Variants in TCF12 observed in about 807,000 individuals in gnomAD.
The protein encoded by TCF12 is DNA-binding protein HTF4.
A neutral mutation model predicts 86.0 loss-of-function variants in TCF12; 45 were observed. That is an observed-to-expected ratio of 0.52 (90% CI 0.41 to 0.67). The LOEUF (loss-of-function observed/expected upper bound fraction) is 0.67, where lower values mean the gene tolerates loss of function less well. Ranked by LOEUF, TCF12 falls within the 30% of genes least tolerant of loss-of-function variation. The probability of loss-of-function intolerance (pLI) is 0.00; values close to 1 mark genes in which losing one functional copy is unlikely to be tolerated. For synonymous variants in TCF12, 330 were observed against 299.6 expected, an observed-to-expected ratio of 1.10 and a Z score of -1.05; for missense variants, 881 against 859.9, an observed-to-expected ratio of 1.02 and a Z score of -0.31.
At position 57,273,084 on chromosome 15, in the gene TCF12, G is replaced by A. The variant is rs751483934; in HGVS notation, c.1800G>A (p.Lys600=). 6.2e-7 allele frequency: 1 copy of A among 1,614,244 alleles called. No individual in the cohort carries two copies. The highest frequency in any genetic ancestry group is 8.5e-7 in the Non-Finnish European group (1 of 1,180,024). ...LNPEQKIERE[K]ERRMANNARE... ...CTGAACAGAAGATAGAAAGGGAGAA[G>A]GAGAGGCGGATGGCTAACAATGCCA... The change falls in exon 19 of 21, where the codon AAG becomes AAA. Residue 600 remains lysine, a synonymous_variant. Transcript: ENST00000333725.
At chr15:57,241,111 TC>T (rs144150882) in intron 12 of TCF12, among the ~76,000 whole-genome samples, 7,352 of 151,920 alleles carry the variant, frequency 0.048, 483 homozygotes, top group African/African-American at 0.15. Context: ...TTTTTTTTTT[TC>T]ATACACTGTC....
chr15:57,204,101 G>T (rs1033376060), intron 8 of TCF12, among the ~76,000 whole-genome samples: 1 of 152,172 alleles, frequency 6.6e-6, no homozygotes, highest in Admixed American at 6.5e-5. Flanking sequence ...GATGCAGACA[G>T]TTACAAAGTT....
At chr15:56,928,980 C>T (rs16953316) in intron 3 of TCF12, among the ~76,000 whole-genome samples, 6,210 of 152,224 alleles carry the variant, frequency 0.041, 353 homozygotes, top group African/African-American at 0.13. Flanking sequence ...TGAAGCAGCA[C>T]GTTGCAAGTG....
intron 19 of TCF12, among the ~76,000 whole-genome samples, chr15:57,279,881 TCA>T (rs1310330697): frequency 7.9e-6 from 1 of 126,824 alleles, no homozygotes; most frequent in Non-Finnish European, 1.6e-5. Flanking sequence ...CTCCACAGTC[TCA>T]CTTTTTTTTT....
Position 57,232,872 on chromosome 15 carries a change from T to G in TCF12, c.970+16T>G. On this transcript the variant is annotated intron_variant, in intron 11 of 20. Transcript: ENST00000333725. ...AGCATTCTAGGTGAGCTTTTTGAGT[T>G]GGCAAAACTTCCTAAAAGTTTGTGG... 6.5e-7 allele frequency: 1 copy of G among 1,529,630 alleles called. No homozygotes were observed. Among genetic ancestry groups the G allele is most frequent in the South Asian group, 1.3e-5 (1 of 75,966 alleles). The allele number at this position is 1,529,630 out of a possible 1,614,324, so 94.8% of individuals were successfully genotyped here. A position where few individuals can be genotyped will look rare whatever the true frequency, so the allele number is the denominator to read the frequency against.
At chr15:57,005,006 A>T (rs2064266085) in intron 3 of TCF12, among the ~76,000 whole-genome samples, 1 of 152,210 alleles carries the variant, frequency 6.6e-6, no homozygotes. Context: ...TTTATGTTCA[A>T]AACTTTGTGC....
Position 57,287,406 on chromosome 15 carries a change from T to C in TCF12, c.*1261T>C, listed in dbSNP as rs1334504544. 3 of 152,724 alleles carry C rather than the reference T, an allele frequency of 2.0e-5. No individual in the cohort carries two copies. The highest frequency in any genetic ancestry group is 7.2e-5 in the African/African-American group (3 of 41,452). 9.5% of individuals were successfully genotyped at this position (152,724 alleles called of 1,614,324 possible). On this transcript the variant is annotated 3_prime_UTR_variant, in exon 21 of 21. Transcript: ENST00000333725. ...GGGAAGAATTGAGTGGGTGATTTAA[T>C]CAACTGCAAACCATCTGCCCCTGTC...
intron 19 of TCF12, among the ~76,000 whole-genome samples, chr15:57,279,819 G>A (rs2061595301): frequency 6.7e-6 from 1 of 149,950 alleles, no homozygotes; most frequent in Admixed American, 6.6e-5. Context: ...AGTTTTACAT[G>A]CTAATCCATG....
At chr15:57,088,709 C>G (rs1240001909) in intron 4 of TCF12, among the ~76,000 whole-genome samples, 1 of 152,038 alleles carries the variant, frequency 6.6e-6, no homozygotes, top group African/African-American at 2.4e-5. Flanking sequence ...ATCAGCATCA[C>G]CTATTTGTTA....
intron 3 of TCF12, among the ~76,000 whole-genome samples, chr15:56,966,924 A>T (rs1173492135): frequency 6.6e-6 from 1 of 152,110 alleles, no homozygotes; most frequent in East Asian, 1.9e-4. Flanking sequence ...GGAGTTTGAG[A>T]CCAACCTGGC....
chr15:57,214,872 G>A (rs1364512436), intron 8 of TCF12, among the ~76,000 whole-genome samples: 1 of 152,094 alleles, frequency 6.6e-6, no homozygotes, highest in Non-Finnish European at 1.5e-5. Flanking sequence ...ACAGTGGAAA[G>A]ATAGTAATTA....
intron 3 of TCF12, among the ~76,000 whole-genome samples, chr15:57,010,614 CT>C (rs1227981519): frequency 7.2e-5 from 11 of 152,054 alleles, no homozygotes; most frequent in African/African-American, 2.2e-4. Context: ...TGAAGGGAAG[CT>C]TTTTTCCTGC....
chr15:57,027,547 A>C (rs1311556501), intron 3 of TCF12, among the ~76,000 whole-genome samples: 1 of 150,874 alleles, frequency 6.6e-6, no homozygotes, highest in South Asian at 2.1e-4. Flanking sequence ...TTTTATGGTC[A>C]TTTTTTTTTC....
At chr15:57,133,578 A>G (rs1397927895) in intron 5 of TCF12, among the ~76,000 whole-genome samples, 1 of 148,522 alleles carries the variant, frequency 6.7e-6, no homozygotes, top group Non-Finnish European at 1.5e-5. Flanking sequence ...GAGGTGATTG[A>G]TTGGTTTGGT....
intron 8 of TCF12, chr15:57,219,354 C>G: frequency 7.9e-7 from 1 of 1,271,082 alleles, no homozygotes; most frequent in Non-Finnish European, 1.0e-6. Flanking sequence ...TAAACCCTCC[C>G]TCTGTGCTCT....
intron 8 of TCF12, chr15:57,218,973 G>T (rs1209824348): frequency 3.1e-6 from 3 of 963,898 alleles, no homozygotes; most frequent in Non-Finnish European, 3.8e-6. Context: ...GATCCTTCTT[G>T]TTACACATGA....
chr15:57,172,397 G>A (rs1162303367), intron 6 of TCF12, among the ~76,000 whole-genome samples: 1 of 152,172 alleles, frequency 6.6e-6, no homozygotes, highest in African/African-American at 2.4e-5. Flanking sequence ...TGACCTAAAT[G>A]ATATGTATAG....
chr15:57,180,626 T>C (rs2056269340), intron 6 of TCF12, among the ~76,000 whole-genome samples: 1 of 148,626 alleles, frequency 6.7e-6, no homozygotes, highest in Non-Finnish European at 1.5e-5. Context: ...GGGTGTAAGA[T>C]AGGCTTGAAA....
intron 3 of TCF12, among the ~76,000 whole-genome samples, chr15:56,977,545 C>CTGTGTG (rs762522296): frequency 2.2e-4 from 33 of 148,240 alleles, no homozygotes; most frequent in Admixed American, 7.1e-5. Context: ...ATTCGATATT[C>CTGTGTG]TGTGTGTGTG....
Sources: gnomAD v4.1 joint callset for allele counts (sites outside exome capture counted in the v4.1 genomes callset) on GRCh38, gnomAD v4.1.1 for gene constraint, MANE v1.5 for transcripts, NCBI Gene and HGNC (gene_info 2026-07-23, HGNC 2026-07-21) for gene names.